The following MTX2 variants were observed in gnomAD, a reference collection of about 807,000 sequenced individuals.
MTX2 encodes metaxin-2.
In MTX2, 35 loss-of-function variants were observed where a neutral mutation model predicts 42.3. The ratio of observed to expected loss-of-function variants is 0.83; its 90% CI spans 0.63 to 1.10. The LOEUF (loss-of-function observed/expected upper bound fraction) is 1.10, where lower values mean the gene tolerates loss of function less well. Ranked by LOEUF, MTX2 falls within the 50% of genes least tolerant of loss-of-function variation. The probability of loss-of-function intolerance (pLI) is 0.00; values close to 1 mark genes in which losing one functional copy is unlikely to be tolerated. For synonymous variants in MTX2, 119 were observed against 100.9 expected, an observed-to-expected ratio of 1.18 and a Z score of -1.08; for missense variants, 307 against 304.1, an observed-to-expected ratio of 1.01 and a Z score of -0.07.
chr2:176,276,117 A>G (rs1692941017), intron 1 of MTX2, among the ~76,000 whole-genome samples: 1 of 152,276 alleles, frequency 6.6e-6, no homozygotes, highest in African/African-American at 2.4e-5. Flanking sequence ...TAAAGCTTTA[A>G]AAATTTATTT....
rs563050105 is a variant in MTX2 at position 176,329,196 on chromosome 2, T to C, written c.418-105T>C. The C allele has an allele frequency of 4.6e-6, 6 of 1,308,234 alleles. No individual in the cohort carries two copies. In the South Asian group the frequency reaches 6.8e-5, roughly 15 times the overall value. The allele number at this position is 1,308,234 out of a possible 1,614,324, so 81.0% of individuals were successfully genotyped here. On this transcript the variant is annotated intron_variant, in intron 7 of 9. Coordinates refer to ENST00000249442, the MANE Select transcript of MTX2 (RefSeq NM_006554.5). ...AGGATGTGTATTTTTTTCAGATTGC[T>C]CTATTTATGTTCTCTGAAAATATAT...
intron 3 of MTX2, among the ~76,000 whole-genome samples, chr2:176,313,207 A>G (rs1459203245): frequency 2.0e-5 from 3 of 152,046 alleles, no homozygotes; most frequent in East Asian, 1.9e-4. Flanking sequence ...TCTGTGTCAG[A>G]TAGTGTATAA....
chr2:176,293,183 G>A (rs954981939), intron 1 of MTX2, among the ~76,000 whole-genome samples: 7 of 152,042 alleles, frequency 4.6e-5, no homozygotes, highest in African/African-American at 1.7e-4. Context: ...AGCAAATTAA[G>A]GAGTTCTTTT....
chr2:176,337,065 AG>A (rs1685006831), intron 9 of MTX2, among the ~76,000 whole-genome samples: 1 of 152,180 alleles, frequency 6.6e-6, no homozygotes, highest in South Asian at 2.1e-4. Flanking sequence ...GATTACTTAT[AG>A]TACCCAATAC....
chr2:176,316,189 TG>T (rs1296204680), intron 3 of MTX2, among the ~76,000 whole-genome samples: 1 of 152,172 alleles, frequency 6.6e-6, no homozygotes, highest in African/African-American at 2.4e-5. Context: ...AAATAGCCTT[TG>T]TAGGCCTTTT....
At chr2:176,290,200 A>C (rs1342739397) in intron 1 of MTX2, among the ~76,000 whole-genome samples, 1 of 152,122 alleles carries the variant, frequency 6.6e-6, no homozygotes, top group African/African-American at 2.4e-5. Context: ...ATTTGAGCAA[A>C]GTCACAAAGA....
rs144052720 is a variant in MTX2 at position 176,270,185 on chromosome 2, G to C, written c.40+516G>C. 1,328 of 330,578 alleles carry C rather than the reference G, an allele frequency of 4.0e-3. 17 individuals are homozygous for C. The highest frequency in any genetic ancestry group is 0.037 in the East Asian group (464 of 12,690). The allele number at this position is 330,578 out of a possible 1,614,324, so 20.5% of individuals were successfully genotyped here. The stretch of plus-strand genomic sequence containing the variant: ...CTAGGAGTTATTTATTTATTTATTT[G>C]TTGAGACGGAGTTTCTCTTTTGTCA... On this transcript the variant is annotated intron_variant, in intron 1 of 9. Coordinates refer to ENST00000249442, the MANE Select transcript of MTX2 (RefSeq NM_006554.5).
chr2:176,290,725 T>C (rs1693307468), intron 1 of MTX2, among the ~76,000 whole-genome samples: 1 of 151,430 alleles, frequency 6.6e-6, no homozygotes, highest in African/African-American at 2.4e-5. Context: ...ATTTCAACTT[T>C]GGGCACTCCT....
chr2:176,337,226 G>A (rs1281619025), intron 9 of MTX2, among the ~76,000 whole-genome samples: 1 of 152,046 alleles, frequency 6.6e-6, no homozygotes, highest in African/African-American at 2.4e-5. Flanking sequence ...ATTTTTTGTA[G>A]AGATGAGGTT....
intron 1 of MTX2, among the ~76,000 whole-genome samples, chr2:176,280,486 T>TATGTTTATGAATCCTGTGGGTCAGTA (rs1439387283): frequency 1.3e-5 from 2 of 152,246 alleles, no homozygotes; most frequent in African/African-American, 4.8e-5. Flanking sequence ...GCCACTTTCT[T>TATGTTTATGAATCCTGTGGGTCAGTA]ATGTTTATGA....
At chr2:176,302,922 A>G (rs1319540330) in intron 3 of MTX2, among the ~76,000 whole-genome samples, 1 of 152,168 alleles carries the variant, frequency 6.6e-6, no homozygotes, top group African/African-American at 2.4e-5. Flanking sequence ...GGCAGGAGAG[A>G]GGAATATCTG....
At chr2:176,276,978 CGTT>C (rs201825486) in intron 1 of MTX2, among the ~76,000 whole-genome samples, 1,545 of 152,084 alleles carry the variant, frequency 0.01, 27 homozygotes, top group South Asian at 0.07. Context: ...CCATTTATCT[CGTT>C]GTGGGCATTT....
At chr2:176,276,820 C>T (rs539206875) in intron 1 of MTX2, among the ~76,000 whole-genome samples, 7 of 152,054 alleles carry the variant, frequency 4.6e-5, no homozygotes, top group South Asian at 2.1e-4. Context: ...ATTACTCCAC[C>T]GGTGCCTTGC....
intron 4 of MTX2, 92 bp downstream of exon 4, chr2:176,323,556 A>AT (rs1558942294): frequency 4.6e-5 from 55 of 1,208,226 alleles, no homozygotes; most frequent in Middle Eastern, 2.8e-4. Flanking sequence ...AAAATGCCTG[A>AT]TTTTTTTTGT....
At chr2:176,289,343 G>C (rs1444117531) in intron 1 of MTX2, among the ~76,000 whole-genome samples, 1 of 151,662 alleles carries the variant, frequency 6.6e-6, no homozygotes, top group Non-Finnish European at 1.5e-5. Flanking sequence ...GAGTTTCTTT[G>C]AGAAATATTC....
intron 3 of MTX2, among the ~76,000 whole-genome samples, chr2:176,303,905 T>G (rs1032824462): frequency 2.6e-5 from 4 of 152,142 alleles, no homozygotes; most frequent in Admixed American, 2.6e-4. Flanking sequence ...AGATTGCAAC[T>G]TAGAATATCA....
intron 3 of MTX2, among the ~76,000 whole-genome samples, chr2:176,319,890 A>C (rs1684536432): frequency 6.6e-6 from 1 of 151,982 alleles, no homozygotes; most frequent in Non-Finnish European, 1.5e-5. Flanking sequence ...TGTAGAGAGA[A>C]GCTCTCACTA....
At chr2:176,294,345 C>T (rs914031102) in intron 1 of MTX2, among the ~76,000 whole-genome samples, 4 of 144,114 alleles carry the variant, frequency 2.8e-5, no homozygotes, top group East Asian at 2.0e-4. Context: ...ACTGCAGTGG[C>T]GTGATCTTGG....
At chr2:176,334,837 G>A (rs1684949422) in intron 9 of MTX2, among the ~76,000 whole-genome samples, 1 of 151,980 alleles carries the variant, frequency 6.6e-6, no homozygotes, top group Non-Finnish European at 1.5e-5. Flanking sequence ...GAAGAGCTTG[G>A]AGTGTAGTGA....
Sources: allele counts gnomAD v4.1 joint callset (sites outside exome capture counted in the v4.1 genomes callset), GRCh38; gene constraint gnomAD v4.1.1; transcripts MANE v1.5; gene names NCBI Gene and HGNC (gene_info 2026-07-23, HGNC 2026-07-21).